Variants in RABGAP1 observed in about 807,000 individuals in gnomAD.
RABGAP1 encodes rab GTPase-activating protein 1.
Under a neutral mutation model 137.6 loss-of-function variants are expected in RABGAP1, and 23 were observed. That is an observed-to-expected ratio of 0.17 (90% CI 0.12 to 0.24). The LOEUF is 0.24. RABGAP1 is among the 10% of genes least tolerant of loss of function. RABGAP1 has a pLI of 1.00. For synonymous variants in RABGAP1, 451 were observed against 450.7 expected, an observed-to-expected ratio of 1.00 and a Z score of -0.01; for missense variants, 906 against 1,275.8, an observed-to-expected ratio of 0.71 and a Z score of 4.42.
chr9:123,066,749 C>T (rs1274000521), intron 14 of RABGAP1, among the ~76,000 whole-genome samples: 10 of 152,182 alleles, frequency 6.6e-5, no homozygotes, highest in Non-Finnish European at 1.0e-4. Flanking sequence ...GTCTAAATTT[C>T]CAGCAGACAA....
At chr9:123,084,125 G>C (rs144475924) in intron 19 of RABGAP1, among the ~76,000 whole-genome samples, 7 of 152,318 alleles carry the variant, frequency 4.6e-5, no homozygotes, top group Admixed American at 2.0e-4. Context: ...TATGATCTAT[G>C]ATAGAGTAAA....
intron 5 of RABGAP1, 63 bp from the exon 6 acceptor site, chr9:122,989,993 G>C: frequency 7.0e-7 from 1 of 1,437,456 alleles, no homozygotes; most frequent in Non-Finnish European, 9.5e-7. Flanking sequence ...TAATCTTCCA[G>C]CCTTAATAAA....
rs181533672 is a variant in RABGAP1, at chr9:123,059,550, G to A, written c.1795-5798G>A. On this transcript the variant is annotated intron_variant, in intron 13 of 25. Transcript: ENST00000373647. The stretch of plus-strand genomic sequence containing the variant: ...AGCCTGGGTGACAGAGCGATACTCC[G>A]TCTCAAAATAAATAAAAATTAAAAA... 1.4e-3 allele frequency among the ~76,000 whole-genome samples: 214 copies of A among 152,086 alleles called. 2 individuals carry two copies. Among genetic ancestry groups the A allele is most frequent in the Middle Eastern group, 3.4e-3 (1 of 294 alleles).
intron 25 of RABGAP1, among the ~76,000 whole-genome samples, 198 bp downstream of exon 25, chr9:123,101,961 C>T (rs1047122513): frequency 6.4e-4 from 98 of 152,178 alleles, no homozygotes; most frequent in African/African-American, 2.2e-3. Flanking sequence ...TGAGGATTTC[C>T]GCTGTCATAT....
chr9:122,949,684 ACT>A (rs1180534128), intron 1 of RABGAP1, among the ~76,000 whole-genome samples: 28 of 133,684 alleles, frequency 2.1e-4, no homozygotes, highest in Admixed American at 1.6e-3. Context: ...ACAAAGCAAG[ACT>A]CTGTCTCAAA....
intron 2 of RABGAP1, among the ~76,000 whole-genome samples, chr9:122,965,851 G>A (rs943321726): frequency 1.3e-5 from 2 of 152,190 alleles, no homozygotes; most frequent in African/African-American, 2.4e-5. Context: ...GACAATTAGC[G>A]GGAAAGGGGC....
At chr9:123,064,053 C>T (rs184884305) in intron 13 of RABGAP1, among the ~76,000 whole-genome samples, 152 of 152,310 alleles carry the variant, frequency 1.0e-3, no homozygotes, top group African/African-American at 3.5e-3. Context: ...CACTCTCACT[C>T]TCGCTCACTT....
At chr9:122,954,907 A>T (rs890877238) in intron 1 of RABGAP1, among the ~76,000 whole-genome samples, 5 of 152,222 alleles carry the variant, frequency 3.3e-5, no homozygotes. Context: ...CATTTTTGAA[A>T]TAGAGATGTG....
At chr9:122,948,716 A>G (rs565995555) in intron 1 of RABGAP1, among the ~76,000 whole-genome samples, 2 of 152,236 alleles carry the variant, frequency 1.3e-5, no homozygotes, top group South Asian at 4.1e-4. Context: ...AACCCAAGGT[A>G]TATTTTTTGT....
intron 6 of RABGAP1, 63 bp downstream of exon 6, chr9:122,990,276 A>T (rs1304202393): frequency 7.2e-7 from 1 of 1,380,318 alleles, no homozygotes; most frequent in African/African-American, 1.5e-5. Flanking sequence ...TCTAGGTCAG[A>T]TTATAACTTT....
At chr9:123,009,137 C>T (rs2030574428) in intron 10 of RABGAP1, among the ~76,000 whole-genome samples, 1 of 152,064 alleles carries the variant, frequency 6.6e-6, no homozygotes, top group South Asian at 2.1e-4. Context: ...CACAGCCAAA[C>T]TCACTCATTT....
At chr9:122,992,381 A>C (rs1285787320) in intron 6 of RABGAP1, among the ~76,000 whole-genome samples, 2 of 152,004 alleles carry the variant, frequency 1.3e-5, no homozygotes, top group Non-Finnish European at 2.9e-5. Context: ...TTGGTCTGTA[A>C]ATTCTAATTA....
intron 19 of RABGAP1, 62 bp from the exon 20 acceptor site, chr9:123,089,696 A>C: frequency 4.1e-5 from 52 of 1,283,104 alleles, no homozygotes; most frequent in Non-Finnish European, 5.0e-5. Context: ...TCTTCAGTGC[A>C]GGCACTGAAG....
intron 4 of RABGAP1, among the ~76,000 whole-genome samples, chr9:122,987,015 T>C (rs1212884545): frequency 6.6e-6 from 1 of 152,066 alleles, no homozygotes; most frequent in Non-Finnish European, 1.5e-5. Flanking sequence ...TACACACCTA[T>C]AGTCCCAGCT....
intron 13 of RABGAP1, among the ~76,000 whole-genome samples, chr9:123,037,735 A>G (rs662117): frequency 0.62 from 94,671 of 151,764 alleles, 36,656 homozygotes; most frequent in Non-Finnish European, 0.86. Flanking sequence ...TTGTGTGTGT[A>G]TGTGTTGGGA....
intron 10 of RABGAP1, among the ~76,000 whole-genome samples, chr9:122,999,172 G>A (rs1026815812): frequency 5.3e-4 from 80 of 151,150 alleles, no homozygotes; most frequent in African/African-American, 1.8e-3. Context: ...TTTTATTGTT[G>A]TTGTTGTTGT....
chr9:122,984,303 A>C (rs958672299), intron 2 of RABGAP1, among the ~76,000 whole-genome samples, 182 bp from the exon 3 acceptor site: 1 of 152,214 alleles, frequency 6.6e-6, no homozygotes, highest in Non-Finnish European at 1.5e-5. Context: ...TATGTAATTG[A>C]GAGAGCAGCT....
intron 10 of RABGAP1, 135 bp downstream of exon 10, chr9:122,998,901 C>T: frequency 2.0e-6 from 1 of 503,232 alleles, no homozygotes. Flanking sequence ...TTATATTTTT[C>T]ATATTTACCC....
At chr9:123,011,805 A>G (rs76555531) in intron 11 of RABGAP1, among the ~76,000 whole-genome samples, 1 of 144,046 alleles carries the variant, frequency 6.9e-6, no homozygotes, top group Non-Finnish European at 1.5e-5. Context: ...ATACAAAAAA[A>G]TTAGCTGGGT....
Sources: gnomAD v4.1 joint callset for allele counts (sites outside exome capture counted in the v4.1 genomes callset) on GRCh38, gnomAD v4.1.1 for gene constraint, MANE v1.5 for transcripts, NCBI Gene and HGNC (gene_info 2026-07-23, HGNC 2026-07-21) for gene names.